The following CNTN4 variants were observed in gnomAD, a reference collection of about 807,000 sequenced individuals.
The protein encoded by CNTN4 is contactin 4.
Under a neutral mutation model 122.5 loss-of-function variants are expected in CNTN4, and 77 were observed. The observed-to-expected ratio is 0.63, with a 90% CI of 0.52 to 0.76. CNTN4 has a LOEUF of 0.76. Ranked by LOEUF, CNTN4 falls within the 30% of genes least tolerant of loss-of-function variation. The pLI is 0.00. For synonymous variants in CNTN4, 512 were observed against 447.0 expected (o/e 1.15, Z -1.83); for missense variants, 1,256 against 1,259.1 (o/e 1.00, Z 0.04).
chr3:2,404,416 A>G (rs886632496), intron 3 of CNTN4, among the ~76,000 whole-genome samples: 9 of 152,092 alleles, frequency 5.9e-5, no homozygotes, highest in Non-Finnish European at 1.3e-4. Flanking sequence ...GCTGGAGGTC[A>G]TTCTCAGCTC....
chr3:2,235,342 G>C (rs2039640877), intron 2 of CNTN4, among the ~76,000 whole-genome samples: 2 of 152,092 alleles, frequency 1.3e-5, no homozygotes, highest in South Asian at 4.1e-4. Flanking sequence ...CTTTGATACA[G>C]TTACAAACAC....
At position 2,180,956 on chromosome 3, in the gene CNTN4, A is replaced by G. The variant is rs887266849; in HGVS notation, c.-145+80317A>G. On this transcript the variant is annotated intron_variant, in intron 2 of 24. Transcript: ENST00000418658. ...GTCATGTGTCAAATATTGCCTAGCCATCTGGTTGCTACTCATGATTAGACT... is the reference window on the plus strand; with the variant it reads ...GTCATGTGTCAAATATTGCCTAGCCGTCTGGTTGCTACTCATGATTAGACT... 3.3e-5 allele frequency among the ~76,000 whole-genome samples: 5 copies of G among 152,110 alleles called. No individual in the cohort carries two copies. In the East Asian group the frequency reaches 5.8e-4, roughly 18 times the overall value.
intron 10 of CNTN4, among the ~76,000 whole-genome samples, chr3:2,899,385 A>G (rs1441140829): frequency 6.6e-6 from 1 of 152,216 alleles, no homozygotes; most frequent in African/African-American, 2.4e-5. Flanking sequence ...AAATACTGAT[A>G]TCAACTTTGA....
chr3:2,962,975 T>G (rs780898269), intron 13 of CNTN4, among the ~76,000 whole-genome samples: 8 of 152,208 alleles, frequency 5.3e-5, no homozygotes, highest in Non-Finnish European at 8.8e-5. Flanking sequence ...CTTGTAGCTC[T>G]AGCTGCAGTT....
rs143611158 is a variant in CNTN4, at chr3:2,233,891, A to C, written c.-144-105287A>C. On this transcript the variant is annotated intron_variant, in intron 2 of 24. Coordinates refer to ENST00000418658, the MANE Select transcript of CNTN4 (RefSeq NM_175607.3). ...TTATCCATGCCCTTTTAAAATACGA[A>C]GTGAAATACACAGCAAAAGGTAGAA... Among the ~76,000 whole-genome samples the C allele has an allele frequency of 2.0e-5, 3 of 152,310 alleles. No individual in the cohort carries two copies. In the East Asian group the frequency reaches 5.8e-4, roughly 29 times the overall value.
At chr3:2,428,581 G>T (rs926646254) in intron 3 of CNTN4, among the ~76,000 whole-genome samples, 5 of 152,086 alleles carry the variant, frequency 3.3e-5, no homozygotes, top group African/African-American at 1.2e-4. Context: ...GAGTATCTTT[G>T]TTGCATTCTC....
chr3:2,682,446 A>T (rs1214786090), intron 4 of CNTN4, among the ~76,000 whole-genome samples: 2 of 152,158 alleles, frequency 1.3e-5, no homozygotes, highest in African/African-American at 4.8e-5. Context: ...TGCAAAATTT[A>T]CAAGCCCAGC....
At chr3:3,002,888 C>G (rs983583464) in intron 14 of CNTN4, among the ~76,000 whole-genome samples, 1 of 152,096 alleles carries the variant, frequency 6.6e-6, no homozygotes, top group Non-Finnish European at 1.5e-5. Flanking sequence ...TATGGTCACT[C>G]AAGGAAAGAG....
rs559455661 is a variant in CNTN4, at chr3:2,328,354, C to A, written c.-144-10824C>A. Among the ~76,000 whole-genome samples the A allele has an allele frequency of 1.9e-3, 279 of 150,752 alleles. 3 individuals are homozygous for A. Among genetic ancestry groups the A allele is most frequent in the African/African-American group, 2.9e-3 (119 of 41,264 alleles). ...CCGGGAGGCGGAGCTTGCGGTGAGC[C>A]AAGATGGCGCCACCGCCCTCCAGCC... On this transcript the variant is annotated intron_variant, in intron 2 of 24. Coordinates refer to ENST00000418658, the MANE Select transcript of CNTN4 (RefSeq NM_175607.3).
At chr3:3,027,533 C>T (rs1698831149) in intron 15 of CNTN4, among the ~76,000 whole-genome samples, 2 of 152,084 alleles carry the variant, frequency 1.3e-5, no homozygotes, top group African/African-American at 4.8e-5. Flanking sequence ...AGTACATAGC[C>T]CAATGTCTAC....
At chr3:2,243,877 TG>T (rs1342868000) in intron 2 of CNTN4, among the ~76,000 whole-genome samples, 4 of 152,106 alleles carry the variant, frequency 2.6e-5, no homozygotes, top group African/African-American at 9.7e-5. Context: ...CAGTATAGGC[TG>T]GTTGCCCACA....
intron 2 of CNTN4, among the ~76,000 whole-genome samples, chr3:2,212,480 G>A (rs983777537): frequency 2.0e-5 from 3 of 152,090 alleles, no homozygotes; most frequent in African/African-American, 7.2e-5. Flanking sequence ...ACATGACACC[G>A]GGCAAGAGGG....
At chr3:2,321,753 A>G in intron 2 of CNTN4, among the ~76,000 whole-genome samples, 1 of 152,074 alleles carries the variant, frequency 6.6e-6, no homozygotes, top group East Asian at 1.9e-4. Flanking sequence ...TTGTGGTCAC[A>G]TAAACTTCAG....
At position 2,613,814 on chromosome 3, in the gene CNTN4, A is replaced by G. The variant is rs565188691; in HGVS notation, c.55+42256A>G. Among the ~76,000 whole-genome samples, 99 of 152,026 alleles carry G rather than the reference A, an allele frequency of 6.5e-4. 1 individual carries two copies. Among genetic ancestry groups the G allele is most frequent in the African/African-American group, 2.3e-3 (94 of 41,350 alleles). ...TATAAAAGTCTGATCAACAGCTTAA[A>G]TGTTTGTTTGTTTGTCTTTCTTAAG... On this transcript the variant is annotated intron_variant, in intron 4 of 24. Coordinates refer to ENST00000418658, the MANE Select transcript of CNTN4 (RefSeq NM_175607.3).
rs532841330 is a variant in CNTN4, at chr3:2,473,349, C to T, written c.-88-98067C>T. Reference sequence around the variant, plus strand: ...CCTCAATTCCACCTGGACTCTACCTCACTCCTTGCCACTTTCCTTCTTCTC... The same window carrying T: ...CCTCAATTCCACCTGGACTCTACCTTACTCCTTGCCACTTTCCTTCTTCTC... On this transcript the variant is annotated intron_variant, in intron 3 of 24. Coordinates refer to ENST00000418658, the MANE Select transcript of CNTN4 (RefSeq NM_175607.3). Among the ~76,000 whole-genome samples, 8 of 152,168 alleles carry T rather than the reference C, an allele frequency of 5.3e-5. No individual in the cohort carries two copies. The East Asian group carries it at 1.4e-3, about 26-fold the overall frequency.
chr3:3,047,443 C>T (rs1166437236), intron 23 of CNTN4, among the ~76,000 whole-genome samples: 5 of 152,134 alleles, frequency 3.3e-5, no homozygotes, highest in Middle Eastern at 3.4e-3. Context: ...GACCACAGTG[C>T]GATCAAACTA....
At chr3:2,748,371 C>G (rs1377849430) in intron 6 of CNTN4, among the ~76,000 whole-genome samples, 2 of 152,090 alleles carry the variant, frequency 1.3e-5, no homozygotes, top group Non-Finnish European at 2.9e-5. Context: ...AATTCATGTT[C>G]TGAGTAGTGA....
chr3:2,896,742 A>G (rs181236995), intron 10 of CNTN4, among the ~76,000 whole-genome samples: 21 of 152,302 alleles, frequency 1.4e-4, no homozygotes, highest in African/African-American at 4.3e-4. Context: ...GCATCTATGT[A>G]TATAGGTGGT....
chr3:2,305,064 C>A (rs892466703), intron 2 of CNTN4, among the ~76,000 whole-genome samples: 3 of 151,766 alleles, frequency 2.0e-5, no homozygotes, highest in African/African-American at 4.8e-5. Flanking sequence ...GGTCCATTTC[C>A]CTGGTGCTGC....
Sources: allele counts gnomAD v4.1 joint callset (sites outside exome capture counted in the v4.1 genomes callset), GRCh38; gene constraint gnomAD v4.1.1; transcripts MANE v1.5; gene names NCBI Gene and HGNC (gene_info 2026-07-23, HGNC 2026-07-21).